MGAM2: variants seen among roughly 807,000 people sequenced by gnomAD.
The protein encoded by MGAM2 is probable maltase-glucoamylase 2.
A neutral mutation model predicts 96.1 loss-of-function variants in MGAM2; 98 were observed. The ratio of observed to expected loss-of-function variants is 1.02; its 90% CI spans 0.87 to 1.21. MGAM2 has a LOEUF of 1.21. Ranked by LOEUF, MGAM2 falls within the 50% of genes most tolerant of loss-of-function variation. The pLI is 0.00. For missense variants in MGAM2, 2,055 were observed against 1,182.4 expected, an observed-to-expected ratio of 1.74 and a Z score of -10.82; for synonymous variants, 749 against 414.8, an observed-to-expected ratio of 1.81 and a Z score of -9.79.
At chr7:142,147,045 T>A (rs1210961521) in intron 14 of MGAM2, among the ~76,000 whole-genome samples, 3 of 152,160 alleles carry the variant, frequency 2.0e-5, no homozygotes, top group Non-Finnish European at 1.5e-5. Context: ...TTCTTTTAAG[T>A]GTGACTGTAT....
intron 19 of MGAM2, 61 bp downstream of exon 19, chr7:142,158,393 T>TG (rs1795798282): frequency 1.4e-6 from 1 of 694,408 alleles, no homozygotes; most frequent in African/African-American, 1.8e-5. Flanking sequence ...GTTCTATAGC[T>TG]GGATAAGTTG....
At chr7:142,126,970 A>T (rs1321594428) in intron 3 of MGAM2, among the ~76,000 whole-genome samples, 1 of 152,230 alleles carries the variant, frequency 6.6e-6, no homozygotes, top group Non-Finnish European at 1.5e-5. Context: ...AATGAAAATG[A>T]CACTGCAAAT....
At chr7:142,214,026 C>T (rs922267901) in intron 46 of MGAM2, among the ~76,000 whole-genome samples, 1 of 152,160 alleles carries the variant, frequency 6.6e-6, no homozygotes, top group Non-Finnish European at 1.5e-5. Context: ...TAATTGCAAT[C>T]CATCACATAA....
At chr7:142,129,546 C>T (rs1235771576) in intron 3 of MGAM2, among the ~76,000 whole-genome samples, 1 of 151,872 alleles carries the variant, frequency 6.6e-6, no homozygotes, top group African/African-American at 2.4e-5. Flanking sequence ...AATTGTAGGC[C>T]AGGCGCGGTG....
intron 17 of MGAM2, among the ~76,000 whole-genome samples, chr7:142,157,392 AAT>A (rs1491394328): frequency 7.3e-6 from 1 of 137,056 alleles, no homozygotes; most frequent in Non-Finnish European, 1.6e-5. Context: ...GACAGACACC[AAT>A]TTTTTTTTTT....
In MGAM2 at chr7:142,118,245, G is replaced by A. The variant is rs28478103; in HGVS notation, c.106+1266G>A. ...AATTTGACTATTTTAAATAATTTAT[G>A]TAAGTGGACTCCCAGAGTATTTATC... is the stretch of plus-strand genomic sequence containing the variant. On this transcript the variant is annotated intron_variant, in intron 2 of 47. Coordinates refer to ENST00000477922, the MANE Select transcript of MGAM2 (RefSeq NM_001293626.2). Among the ~76,000 whole-genome samples the A allele has an allele frequency of 8.6e-3, 1,314 of 152,188 alleles. 16 individuals are homozygous for A. Among genetic ancestry groups the A allele is most frequent in the African/African-American group, 0.03 (1,228 of 41,512 alleles).
chr7:142,136,824 T>C (rs1484398798), intron 8 of MGAM2, among the ~76,000 whole-genome samples, 184 bp downstream of exon 8: 3 of 152,256 alleles, frequency 2.0e-5, no homozygotes, highest in Non-Finnish European at 4.4e-5. Context: ...ATACTTGACA[T>C]TGTTTTCATT....
At chr7:142,153,599 C>T (rs777603145) in intron 15 of MGAM2, among the ~76,000 whole-genome samples, 5 of 152,100 alleles carry the variant, frequency 3.3e-5, no homozygotes, top group African/African-American at 4.8e-5. Flanking sequence ...GAGCTCCCAT[C>T]GGAGCAGGTG....
At position 142,196,266 on chromosome 7, in the gene MGAM2, C is replaced by T; in HGVS notation, c.4459C>T (p.Gln1487Ter). 1.3e-6 allele frequency: 1 copy of T among 785,132 alleles called. No homozygotes were observed. Among genetic ancestry groups the T allele is most frequent in the South Asian group, 1.5e-5 (1 of 68,832 alleles). 48.6% of individuals were successfully genotyped at this position (785,132 alleles called of 1,614,324 possible). ...RLGNNTAAWDQLGKSIIGMME... is the reference protein window; with the variant it reads ...RLGNNTAAWD ...GGGAAACAACACAGCTGCATGGGAC[C>T]AGCTGGGGAAATCTATCATTGGTGT... is the stretch of plus-strand genomic sequence containing the variant. The change falls in exon 38 of 48, where the codon CAG becomes TAG. Residue 1487 changes from glutamine (Q) to a stop codon, truncating the protein, a stop_gained. Coordinates refer to ENST00000477922, the MANE Select transcript of MGAM2 (RefSeq NM_001293626.2). LOFTEE classifies it high-confidence loss of function.
chr7:142,190,563 C>T (rs1336030700), intron 37 of MGAM2, among the ~76,000 whole-genome samples: 4 of 152,160 alleles, frequency 2.6e-5, no homozygotes, highest in African/African-American at 7.2e-5. Context: ...CATGAGCCAT[C>T]GCACCCAGCC....
Position 142,222,321 on chromosome 7 carries a change from T to G in MGAM2, c.*262T>G, listed in dbSNP as rs1797957914. 1 of 311,606 alleles carries G rather than the reference T, an allele frequency of 3.2e-6. No individual in the cohort carries two copies. Among genetic ancestry groups the G allele is most frequent in the African/African-American group, 2.1e-5 (1 of 46,820 alleles). The allele number at this position is 311,606 out of a possible 1,614,324, so 19.3% of individuals were successfully genotyped here. Reference sequence around the variant, plus strand: ...AACCATAGTATGTGCTCTTATTCTTTTAAATTATAGTTATTACTCCTATAA... The same window carrying G: ...AACCATAGTATGTGCTCTTATTCTTGTAAATTATAGTTATTACTCCTATAA... On this transcript the variant is annotated 3_prime_UTR_variant, in exon 48 of 48. Transcript: ENST00000477922.
intron 46 of MGAM2, among the ~76,000 whole-genome samples, 187 bp from the exon 47 acceptor site, chr7:142,218,174 T>A (rs889520777): frequency 6.6e-6 from 1 of 152,182 alleles, no homozygotes; most frequent in African/African-American, 2.4e-5. Context: ...TGTATACATG[T>A]ATCAAAATAT....
intron 32 of MGAM2, among the ~76,000 whole-genome samples, chr7:142,181,799 C>T (rs1021877358): frequency 4.6e-5 from 7 of 152,136 alleles, no homozygotes; most frequent in African/African-American, 9.7e-5. Context: ...GCAGTGTTGC[C>T]GTAGGGGTGC....
Position 142,196,939 on chromosome 7 carries a change from C to G in MGAM2, c.4632+123C>G, listed in dbSNP as rs1256763150. ...AAAAACATCACCAGAATCTTAATTT[C>G]TTGGAAAATCCACAGAGTTCAGAAC... On this transcript the variant is annotated intron_variant, in intron 40 of 47. Coordinates refer to ENST00000477922, the MANE Select transcript of MGAM2 (RefSeq NM_001293626.2). 3 of 611,256 alleles carry G rather than the reference C, an allele frequency of 4.9e-6. No individual in the cohort carries two copies. In the African/African-American group the frequency reaches 5.6e-5, roughly 11 times the overall value. The allele number at this position is 611,256 out of a possible 1,614,324, so 37.9% of individuals were successfully genotyped here.
At chr7:142,202,628 CT>C (rs754624185) in intron 45 of MGAM2, among the ~76,000 whole-genome samples, 7 of 152,166 alleles carry the variant, frequency 4.6e-5, no homozygotes, top group Non-Finnish European at 1.0e-4. Context: ...TGCATCCATG[CT>C]GCTGCATAGG....
At chr7:142,118,799 A>AC (rs1327428680) in intron 2 of MGAM2, among the ~76,000 whole-genome samples, 3 of 152,158 alleles carry the variant, frequency 2.0e-5, no homozygotes, top group Admixed American at 2.0e-4. Flanking sequence ...AACAACAACA[A>AC]AAAAATGTTG....
chr7:142,161,067 G>T, intron 21 of MGAM2, 58 bp from the exon 22 acceptor site: 1 of 695,426 alleles, frequency 1.4e-6, no homozygotes, highest in Admixed American at 2.0e-5. Flanking sequence ...AAGGTGGCTG[G>T]TTTCACATAG....
chr7:142,220,887 C>G lies in MGAM2; in HGVS notation c.6376C>G (p.Leu2126Val). Reference protein sequence around the residue: ...TTVLIATTSSLTGTTDVSTST... With the variant: ...TTVLIATTSSVTGTTDVSTST... ...TGTACTTATTGCCACTACTTCTTCT[C>G]TAACAGGTACTACTGATGTTAGCAC... Residue 2126 changes from leucine (L) to valine (V), a missense_variant, in exon 48 of 48, where the codon CTA (leucine) becomes GTA (valine). Coordinates refer to ENST00000477922, the MANE Select transcript of MGAM2 (RefSeq NM_001293626.2). 1 of 702,048 alleles carries G rather than the reference C, an allele frequency of 1.4e-6. No homozygotes were observed. Among genetic ancestry groups the G allele is most frequent in the South Asian group, 1.5e-5 (1 of 67,562 alleles). 43.5% of individuals were successfully genotyped at this position (702,048 alleles called of 1,614,324 possible).
chr7:142,185,250 G>T, intron 34 of MGAM2, 111 bp downstream of exon 34: 1 of 600,150 alleles, frequency 1.7e-6, no homozygotes, highest in South Asian at 2.1e-5. Flanking sequence ...CCTAACTTGA[G>T]GGTGCTTATC....
Sources: gnomAD v4.1 joint callset for allele counts (sites outside exome capture counted in the v4.1 genomes callset) on GRCh38, gnomAD v4.1.1 for gene constraint, MANE v1.5 for transcripts, NCBI Gene and HGNC (gene_info 2026-07-23, HGNC 2026-07-21) for gene names.